IL1RAPL1: variants seen among roughly 807,000 people sequenced by gnomAD.
IL1RAPL1 encodes the protein interleukin-1 receptor accessory protein-like 1.
IL1RAPL1 carries 3 observed loss-of-function variants against 48.4 expected under a neutral mutation model. The observed-to-expected ratio is 0.06, with a 90% confidence interval of 0.03 to 0.16. The LOEUF (loss-of-function observed/expected upper bound fraction) is 0.16, where lower values mean the gene tolerates loss of function less well. Ranked by LOEUF, IL1RAPL1 falls within the 10% of genes least tolerant of loss-of-function variation. The pLI, the probability that IL1RAPL1 is intolerant of heterozygous loss-of-function variation, is 1.00. For synonymous variants in IL1RAPL1, 185 were observed against 187.7 expected (o/e 0.99, Z 0.12); for missense variants, 349 against 530.6 (o/e 0.66, Z 3.36).
At chrX:29,855,155 A>T in intron 6 of IL1RAPL1, among the ~76,000 whole-genome samples, 1 of 111,743 alleles carries the variant, frequency 8.9e-6, no homozygotes, top group Middle Eastern at 4.6e-3. Flanking sequence ...TGATAAAAGG[A>T]TTTGTGTTTA....
chrX:28,952,906 T>A (rs1309856701), intron 2 of IL1RAPL1, among the ~76,000 whole-genome samples: 4 of 111,512 alleles, frequency 3.6e-5, no homozygotes, highest in Non-Finnish European at 1.9e-5. Context: ...AAAACAAGGG[T>A]CATGATAAAA....
At chrX:29,888,453 A>T (rs1383897405) in intron 6 of IL1RAPL1, among the ~76,000 whole-genome samples, 1 of 110,033 alleles carries the variant, frequency 9.1e-6, no homozygotes, top group African/African-American at 3.3e-5. Context: ...CAAACTCCTG[A>T]CCTCAGGTGA....
At chrX:29,584,979 T>A (rs1469390985) in intron 5 of IL1RAPL1, among the ~76,000 whole-genome samples, 1 of 112,362 alleles carries the variant, frequency 8.9e-6, no homozygotes, top group Non-Finnish European at 1.9e-5. Context: ...ATCTAAATGC[T>A]CATTCTCAGA....
chrX:29,868,056 A>T (rs1348265258), intron 6 of IL1RAPL1, among the ~76,000 whole-genome samples: 3 of 112,136 alleles, frequency 2.7e-5, no homozygotes, highest in Non-Finnish European at 3.8e-5. Flanking sequence ...ATAGAGAGAC[A>T]ATTAAGTAGC....
chrX:28,616,666 T>TC (rs1447527715), intron 1 of IL1RAPL1, among the ~76,000 whole-genome samples: 1 of 111,551 alleles, frequency 9.0e-6, no homozygotes, highest in Non-Finnish European at 1.9e-5. Flanking sequence ...ACTCCTGACC[T>TC]CATGATCCAC....
At chrX:29,645,732 A>G (rs1925301496) in intron 5 of IL1RAPL1, among the ~76,000 whole-genome samples, 1 of 111,756 alleles carries the variant, frequency 8.9e-6, no homozygotes, top group African/African-American at 3.3e-5. Flanking sequence ...TGCTAGCCTC[A>G]GTGGCCACGG....
intron 2 of IL1RAPL1, among the ~76,000 whole-genome samples, chrX:29,105,552 TTC>T (rs1928431537): frequency 8.9e-6 from 1 of 112,187 alleles, no homozygotes; most frequent in Admixed American, 9.4e-5. Flanking sequence ...ATACAAATCT[TTC>T]TCCTTTGCAA....
At chrX:29,593,895 C>A (rs1396150262) in intron 5 of IL1RAPL1, among the ~76,000 whole-genome samples, 4 of 112,111 alleles carry the variant, frequency 3.6e-5, no homozygotes, top group Non-Finnish European at 7.5e-5. Flanking sequence ...TGTGTCTTTT[C>A]TTGGCCCTCT....
intron 2 of IL1RAPL1, among the ~76,000 whole-genome samples, chrX:29,215,342 C>CAAA (rs748922177): frequency 3.3e-4 from 22 of 65,977 alleles, no homozygotes; most frequent in Admixed American, 2.6e-3. Flanking sequence ...GACTCTGTCT[C>CAAA]AAAAAAAAAA....
chrX:29,548,347 T>A (rs763939520), intron 5 of IL1RAPL1, among the ~76,000 whole-genome samples: 2 of 112,581 alleles, frequency 1.8e-5, no homozygotes, highest in South Asian at 7.3e-4. Context: ...ATTTTCTTTT[T>A]ACCTGAAGAT....
intron 5 of IL1RAPL1, among the ~76,000 whole-genome samples, chrX:29,638,844 T>G (rs1925063768): frequency 8.9e-6 from 1 of 112,441 alleles, no homozygotes; most frequent in African/African-American, 3.2e-5. Flanking sequence ...TGCCCGCTAC[T>G]TACACTAACA....
intron 2 of IL1RAPL1, among the ~76,000 whole-genome samples, chrX:28,805,139 T>A (rs752824324): frequency 3.1e-4 from 34 of 110,383 alleles, no homozygotes; most frequent in Admixed American, 8.8e-4. Context: ...GTAGTCCAGG[T>A]AAGAAAGTCA....
chrX:28,760,595 C>G (rs748185537), intron 1 of IL1RAPL1, among the ~76,000 whole-genome samples: 6 of 111,616 alleles, frequency 5.4e-5, no homozygotes, highest in Non-Finnish European at 1.1e-4. Context: ...AAGAATAATG[C>G]TTATAAATAA....
chrX:29,202,065 G>A (rs1248462731), intron 2 of IL1RAPL1, among the ~76,000 whole-genome samples: 1 of 112,412 alleles, frequency 8.9e-6, no homozygotes, highest in African/African-American at 3.2e-5. Flanking sequence ...TAAAAGAAAA[G>A]TTTTGCATCA....
At chrX:28,966,467 A>G (rs893335966) in intron 2 of IL1RAPL1, among the ~76,000 whole-genome samples, 2 of 111,594 alleles carry the variant, frequency 1.8e-5, no homozygotes, top group Non-Finnish European at 3.8e-5. Flanking sequence ...TGTGCATTCT[A>G]ATAGTCAGTG....
Position 29,399,256 on chromosome X carries a change from A to T in IL1RAPL1, c.651A>T (p.Glu217Asp). Residue 217 changes from glutamate to aspartate, a missense_variant, in exon 5 of 11, where the codon GAA becomes GAT. This residue lies in a region of IL1RAPL1 where 238 missense variants were observed against 337.8 expected (regional missense o/e 0.70). Transcript: ENST00000378993. ...ATGACATTGGAAATTATACCTGTGA[A>T]TTAAAATATGGAGGCTTTGTTGTGA... ...REDDIGNYTCELKYGGFVVRR... is the reference protein window; with the variant it reads ...REDDIGNYTCDLKYGGFVVRR... 1 of 1,202,765 alleles carries T rather than the reference A, an allele frequency of 8.3e-7. No homozygotes were observed. Among genetic ancestry groups the T allele is most frequent in the Middle Eastern group, 2.3e-4 (1 of 4,325 alleles).
intron 5 of IL1RAPL1, among the ~76,000 whole-genome samples, chrX:29,521,224 A>G (rs1935499385): frequency 8.9e-6 from 1 of 112,140 alleles, no homozygotes. Flanking sequence ...ATTTAAAAAT[A>G]TAATTCTTCA....
intron 3 of IL1RAPL1, among the ~76,000 whole-genome samples, chrX:29,351,121 T>A (rs1054665898): frequency 2.7e-5 from 3 of 112,100 alleles, no homozygotes; most frequent in African/African-American, 9.7e-5. Context: ...TAGGATAGTG[T>A]GCTTGACAAA....
chrX:29,801,149 C>G (rs1382827992), intron 6 of IL1RAPL1, among the ~76,000 whole-genome samples: 1 of 100,879 alleles, frequency 9.9e-6, no homozygotes, highest in African/African-American at 3.7e-5. Flanking sequence ...TCAAGCAAGG[C>G]ATGTATTTCC....
Sources: allele counts gnomAD v4.1 joint callset (sites outside exome capture counted in the v4.1 genomes callset), GRCh38; gene constraint gnomAD v4.1.1; regional missense constraint gnomAD v4.1.1; transcripts MANE v1.5; gene names NCBI Gene and HGNC (gene_info 2026-07-23, HGNC 2026-07-21).